Variants in SYNE1 observed in about 807,000 individuals in gnomAD.
SYNE1 encodes spectrin repeat containing nuclear envelope protein 1, also known as nesprin-1.
In SYNE1, 616 loss-of-function variants were observed where a neutral mutation model predicts 1,111.0. The observed-to-expected ratio is 0.55, with a 90% CI of 0.52 to 0.59. The LOEUF (loss-of-function observed/expected upper bound fraction) is 0.59, where lower values mean the gene tolerates loss of function less well. Among genes scored for constraint, SYNE1 ranks in the 20% least tolerant of loss-of-function variants. SYNE1 has a pLI of 0.00. For synonymous variants in SYNE1, 3,855 were observed against 3,825.8 expected (o/e 1.01, Z -0.28); for missense variants, 10,006 against 10,417.0 (o/e 0.96, Z 1.72).
At chr6:152,513,409 G>A (rs372551576) in intron 6 of SYNE1, among the ~76,000 whole-genome samples, 3 of 152,092 alleles carry the variant, frequency 2.0e-5, no homozygotes, top group East Asian at 1.9e-4. Flanking sequence ...GCAGTGGCAC[G>A]ATCTTGGCTC....
rs572257249 is a variant in SYNE1 at position 152,452,266 on chromosome 6, G to C, written c.3028-1061C>G. Reference sequence around the variant, plus strand: ...GATGACTGATGAGAAAAATGAGGTGGGCCTATGGAAAGTCCCACCTAGATT... The same window carrying C: ...GATGACTGATGAGAAAAATGAGGTGCGCCTATGGAAAGTCCCACCTAGATT... On this transcript the variant is annotated intron_variant, in intron 25 of 145. Coordinates refer to ENST00000367255, the MANE Select transcript of SYNE1 (RefSeq NM_182961.4). Among the ~76,000 whole-genome samples, 15 of 152,118 alleles carry C rather than the reference G, an allele frequency of 9.9e-5. No individual in the cohort carries two copies. The South Asian group carries it at 3.1e-3, about 32-fold the overall frequency.
chr6:152,128,216 T>C (rs1425452029), intron 145 of SYNE1: 1 of 152,234 alleles, frequency 6.6e-6, no homozygotes, highest in East Asian at 1.9e-4. Flanking sequence ...TCATAAGCAT[T>C]TGCTTTGAAA....
intron 107 of SYNE1, among the ~76,000 whole-genome samples, chr6:152,240,636 T>A (rs774579272): frequency 6.6e-5 from 10 of 152,252 alleles, no homozygotes; most frequent in Non-Finnish European, 1.5e-4. Context: ...ACATTAATTA[T>A]GTGCTTACTG....
chr6:152,157,948 G>A (rs939110573), intron 131 of SYNE1, among the ~76,000 whole-genome samples: 5 of 151,858 alleles, frequency 3.3e-5, no homozygotes, highest in African/African-American at 4.8e-5. Context: ...TAGTAGAGAC[G>A]GGGTTTCCCC....
chr6:152,596,270 GT>G (rs35952199), intron 3 of SYNE1, among the ~76,000 whole-genome samples: 32,071 of 88,646 alleles, frequency 0.36, 3,223 homozygotes, highest in South Asian at 0.45. Flanking sequence ...TTGTTTGTTT[GT>G]TTTTTTTTTT....
At chr6:152,349,854 G>A (rs4870098) in intron 72 of SYNE1, among the ~76,000 whole-genome samples, 40,027 of 151,964 alleles carry the variant, frequency 0.26, 5,759 homozygotes, top group African/African-American at 0.37. Flanking sequence ...AGTTTCCCTG[G>A]AAATGCTCTC....
At chr6:152,492,085 G>C (rs1185645220) in intron 11 of SYNE1, among the ~76,000 whole-genome samples, 1 of 152,204 alleles carries the variant, frequency 6.6e-6, no homozygotes, top group African/African-American at 2.4e-5. Context: ...AAATCAGTTA[G>C]TGTTCAGGCT....
chr6:152,372,807 G>C (rs979285229), intron 59 of SYNE1, among the ~76,000 whole-genome samples: 2 of 152,188 alleles, frequency 1.3e-5, no homozygotes, highest in African/African-American at 2.4e-5. Flanking sequence ...GCAAGGCCAA[G>C]TCAGTGACAA....
rs949257779 is a variant in SYNE1, at chr6:152,236,141, G to T, written c.20362C>A (p.His6788Asn). The change falls in exon 110 of 146, where the codon CAC (histidine) becomes AAC (asparagine). Residue 6788 changes from histidine (H) to asparagine (N), a missense_variant. Around this residue, in one of 7 missense-constraint regions of SYNE1, gnomAD observed 2,182 missense variants for 2,287.8 expected, o/e 0.95. Coordinates refer to ENST00000367255, the MANE Select transcript of SYNE1 (RefSeq NM_182961.4). ...SNTNKMSKEL[H>N]RLETILKHWT... is the part of the protein sequence containing the mutation. ...TGTTTCAATATTGTTTCCAGTCTGT[G>T]AAGTTCCTTAGACATTTTATTGGTG... 6.2e-6 allele frequency: 10 copies of T among 1,614,054 alleles called. No individual in the cohort carries two copies. In the African/African-American group the frequency reaches 1.2e-4, roughly 19 times the overall value.
rs182732645 is a variant in SYNE1, at chr6:152,409,206, T to C, written c.6402A>G (p.Lys2134=). ...AFSKHETAKN[K]MNYKQKDLDN... ...CCAAGTCTTTCTGTTTGTAATTCAT[T>C]TTGTTCTTGGCAGTTTCATGCTGTG... The change falls in exon 44 of 146, where the codon AAA becomes AAG. Residue 2134 remains lysine (K), a synonymous_variant. Transcript: ENST00000367255. 2.5e-6 allele frequency: 4 copies of C among 1,614,152 alleles called. No homozygotes were observed. In the Admixed American group the frequency reaches 6.7e-5, roughly 27 times the overall value.
rs754651640 is a variant in SYNE1, at chr6:152,326,625, C to T, written c.14964G>A (p.Leu4988=). 1.2e-6 allele frequency: 2 copies of T among 1,613,356 alleles called. No homozygotes were observed. Among genetic ancestry groups the T allele is most frequent in the Non-Finnish European group, 1.7e-6 (2 of 1,179,942 alleles). The change falls in exon 79 of 146, where the codon TTG becomes TTA. Residue 4988 remains leucine, a synonymous_variant. Transcript: ENST00000367255. ...QEALRTRQAT[L]TEIYSQCQRY... ...TTTGACACTGGCTATATATTTCAGT[C>T]AAGGTAGCCTGAAAAACAGCAATTG...
intron 82 of SYNE1, among the ~76,000 whole-genome samples, chr6:152,322,497 G>C (rs756171736): frequency 2.0e-5 from 3 of 152,158 alleles, no homozygotes; most frequent in African/African-American, 7.2e-5. Context: ...GTGAGTCAGG[G>C]CTGGTTATAC....
At chr6:152,533,369 G>A (rs962862884) in intron 4 of SYNE1, among the ~76,000 whole-genome samples, 2 of 151,764 alleles carry the variant, frequency 1.3e-5, no homozygotes, top group Middle Eastern at 3.2e-3. Flanking sequence ...AATCTGCTTG[G>A]AAAACTCAGC....
At chr6:152,533,145 A>T (rs1022130378) in intron 4 of SYNE1, among the ~76,000 whole-genome samples, 5 of 152,152 alleles carry the variant, frequency 3.3e-5, no homozygotes, top group African/African-American at 9.7e-5. Context: ...GTAGTAATTT[A>T]AAAACTGTAT....
At chr6:152,149,050 T>C (rs2059987518) in intron 136 of SYNE1, among the ~76,000 whole-genome samples, 1 of 152,208 alleles carries the variant, frequency 6.6e-6, no homozygotes, top group South Asian at 2.1e-4. Flanking sequence ...TAAGAAGCTG[T>C]TCACTTTGCT....
chr6:152,318,167 G>A lies in SYNE1; in HGVS notation c.16486C>T (p.Pro5496Ser), dbSNP rs1261753649. Residue 5496 changes from proline to serine, a missense_variant, in exon 86 of 146, where the codon CCA becomes TCA. Pro to Ser is a moderately conservative substitution (Grantham distance 74). Around this residue, in one of 7 missense-constraint regions of SYNE1, gnomAD observed 4,955 missense variants for 5,017.2 expected, o/e 0.99. Coordinates refer to ENST00000367255, the MANE Select transcript of SYNE1 (RefSeq NM_182961.4). Reference sequence around the variant, plus strand: ...AGTTTTCCTATCTTCTTGGCCAGTGGCTTACCCAGTTGGCCATTCTGTTCC... The same window carrying A: ...AGTTTTCCTATCTTCTTGGCCAGTGACTTACCCAGTTGGCCATTCTGTTCC... ...FLEQNGQLGK[P>S]LAKKIGKLTE... 2 of 1,613,972 alleles carry A rather than the reference G, an allele frequency of 1.2e-6. No homozygotes were observed. Among genetic ancestry groups the A allele is most frequent in the African/African-American group, 2.7e-5 (2 of 74,876 alleles).
intron 84 of SYNE1, among the ~76,000 whole-genome samples, chr6:152,319,550 A>G (rs1328787372): frequency 1.3e-5 from 2 of 152,254 alleles, no homozygotes; most frequent in Non-Finnish European, 2.9e-5. Context: ...AGGAAGGTGA[A>G]AAAAGACAGT....
At chr6:152,609,267 C>A (rs1290567679) in intron 3 of SYNE1, among the ~76,000 whole-genome samples, 3 of 152,034 alleles carry the variant, frequency 2.0e-5, no homozygotes, top group Non-Finnish European at 4.4e-5. Flanking sequence ...CACTCTCGCC[C>A]AAATACTGCA....
chr6:152,255,489 G>C, intron 103 of SYNE1, 102 bp downstream of exon 103: 2 of 1,316,878 alleles, frequency 1.5e-6, no homozygotes, highest in Non-Finnish European at 2.2e-6. Context: ...TATTAGAATT[G>C]TTTTATGTTT....
Sources: gnomAD v4.1 joint callset for allele counts (sites outside exome capture counted in the v4.1 genomes callset) on GRCh38, gnomAD v4.1.1 for gene constraint, gnomAD v4.1.1 regional missense constraint, MANE v1.5 for transcripts, NCBI Gene and HGNC (gene_info 2026-07-23, HGNC 2026-07-21) for gene names.